Variants in DLG2 observed in about 807,000 individuals in gnomAD.
The protein encoded by DLG2 is disks large homolog 2.
DLG2 carries 45 observed loss-of-function variants against 132.5 expected under a neutral mutation model. The observed-to-expected ratio is 0.34, with a 90% CI of 0.27 to 0.44. The LOEUF is 0.44. Ranked by LOEUF, DLG2 falls within the 20% of genes least tolerant of loss-of-function variation. The pLI is 1.00. For synonymous variants in DLG2, 424 were observed against 419.6 expected (o/e 1.01, Z -0.13); for missense variants, 1,045 against 1,196.9 (o/e 0.87, Z 1.87).
intron 19 of DLG2, among the ~76,000 whole-genome samples, chr11:83,577,903 T>C (rs1205413077): frequency 7.8e-6 from 1 of 127,970 alleles, no homozygotes; most frequent in Non-Finnish European, 1.6e-5. Context: ...TGGAAGTTTA[T>C]ATATGTATAA....
At chr11:85,482,892 G>C (rs1033802612) in intron 3 of DLG2, among the ~76,000 whole-genome samples, 10 of 152,070 alleles carry the variant, frequency 6.6e-5, no homozygotes, top group African/African-American at 2.2e-4. Context: ...TCTGACCCAG[G>C]TTCCATGATA....
chr11:84,481,206 C>A (rs1023287680), intron 7 of DLG2, among the ~76,000 whole-genome samples: 1 of 152,062 alleles, frequency 6.6e-6, no homozygotes, highest in Admixed American at 6.5e-5. Context: ...GTTTACTATT[C>A]CTGTGGTTTC....
intron 6 of DLG2, chr11:84,546,642 A>T: frequency 1.9e-6 from 1 of 529,930 alleles, no homozygotes; most frequent in Non-Finnish European, 3.6e-6. Flanking sequence ...GGCTGCATCC[A>T]CCTCCTCCAC....
At chr11:83,614,786 C>A (rs917005591) in intron 19 of DLG2, among the ~76,000 whole-genome samples, 1 of 152,188 alleles carries the variant, frequency 6.6e-6, no homozygotes, top group Non-Finnish European at 1.5e-5. Context: ...ATTTATGCAA[C>A]TTTCTGTTTG....
intron 3 of DLG2, among the ~76,000 whole-genome samples, chr11:85,463,813 G>C (rs1429876313): frequency 6.6e-6 from 1 of 151,824 alleles, no homozygotes. Context: ...TATTGGTATT[G>C]AGTACATGAG....
chr11:85,455,544 G>A (rs963166439), intron 3 of DLG2, among the ~76,000 whole-genome samples: 2 of 152,120 alleles, frequency 1.3e-5, no homozygotes, highest in Non-Finnish European at 2.9e-5. Context: ...CCTTGGGCCA[G>A]GACTACCAGT....
intron 4 of DLG2, among the ~76,000 whole-genome samples, chr11:85,196,475 G>A (rs906207658): frequency 7.2e-5 from 11 of 152,204 alleles, no homozygotes; most frequent in Admixed American, 2.0e-4. Context: ...TGGTTGAGGG[G>A]CCTAATTAGT....
intron 14 of DLG2, among the ~76,000 whole-genome samples, chr11:83,957,554 CTTTTTT>C (rs10713628): frequency 4.1e-4 from 58 of 142,786 alleles, no homozygotes; most frequent in African/African-American, 1.3e-3. Context: ...GCAGCCAGAA[CTTTTTT>C]TTTTTTTTTT....
chr11:84,699,334 G>A (rs769975592), intron 6 of DLG2, among the ~76,000 whole-genome samples: 37 of 151,500 alleles, frequency 2.4e-4, no homozygotes, highest in Non-Finnish European at 4.3e-4. Context: ...AAATAATGTC[G>A]TTAAAGTGTC....
At chr11:85,454,479 G>A (rs898556312) in intron 3 of DLG2, among the ~76,000 whole-genome samples, 3 of 151,708 alleles carry the variant, frequency 2.0e-5, no homozygotes, top group East Asian at 1.9e-4. Context: ...CATTCTTTAG[G>A]TTGTATCTTT....
At chr11:85,128,297 A>G (rs914679361) in intron 5 of DLG2, among the ~76,000 whole-genome samples, 4 of 152,284 alleles carry the variant, frequency 2.6e-5, no homozygotes, top group East Asian at 1.9e-4. Flanking sequence ...ACCCACTACT[A>G]CTATTTAAGA....
chr11:85,535,245 G>A (rs1435845375), intron 3 of DLG2, among the ~76,000 whole-genome samples: 1 of 151,926 alleles, frequency 6.6e-6, no homozygotes, highest in African/African-American at 2.4e-5. Context: ...AGCTGACTTT[G>A]AGGAGAAAAA....
intron 7 of DLG2, among the ~76,000 whole-genome samples, chr11:84,303,021 T>C (rs2098173594): frequency 6.6e-6 from 1 of 152,064 alleles, no homozygotes; most frequent in Non-Finnish European, 1.5e-5. Context: ...CTCACAAGGC[T>C]GAGGCAGGAG....
intron 14 of DLG2, among the ~76,000 whole-genome samples, chr11:83,941,968 C>T (rs1447836973): frequency 3.9e-5 from 6 of 152,202 alleles, no homozygotes; most frequent in African/African-American, 1.4e-4. Context: ...ACACTCTCCA[C>T]ACACTGGTGT....
intron 21 of DLG2, among the ~76,000 whole-genome samples, chr11:83,510,017 G>C (rs929657125): frequency 2.6e-5 from 4 of 152,184 alleles, no homozygotes; most frequent in African/African-American, 7.2e-5. Context: ...TATAAATGTG[G>C]TGCAAATCAG....
At chr11:83,713,502 A>G (rs2085976494) in intron 18 of DLG2, among the ~76,000 whole-genome samples, 2 of 152,188 alleles carry the variant, frequency 1.3e-5, no homozygotes, top group South Asian at 4.1e-4. Context: ...CGTGAGCAGC[A>G]GGAGGGAAGA....
chr11:85,096,868 A>G (rs945246565), intron 6 of DLG2, among the ~76,000 whole-genome samples: 6 of 152,112 alleles, frequency 3.9e-5, no homozygotes, highest in African/African-American at 1.2e-4. Context: ...GTGTCAGGCT[A>G]TCTGGGAAAG....
chr11:83,666,701 A>G (rs985827636), intron 18 of DLG2, among the ~76,000 whole-genome samples: 1 of 152,146 alleles, frequency 6.6e-6, no homozygotes, highest in Non-Finnish European at 1.5e-5. Flanking sequence ...AATTATAACT[A>G]TCTAATAAAG....
At position 84,817,634 on chromosome 11, in the gene DLG2, T is replaced by C. The variant is rs561749454; in HGVS notation, c.358-282903A>G. ...ATGAGTCTGGGAGAGAATGATCATA[T>C]TATTCTACTTTTAGGTTAATGCATA... On this transcript the variant is annotated intron_variant, in intron 6 of 27. Coordinates refer to ENST00000376104, the MANE Select transcript of DLG2 (RefSeq NM_001142699.3). Among the ~76,000 whole-genome samples, 7 of 152,148 alleles carry C rather than the reference T, an allele frequency of 4.6e-5. No individual in the cohort carries two copies. In the East Asian group the frequency reaches 1.4e-3, roughly 30 times the overall value.
Sources: allele counts gnomAD v4.1 joint callset (sites outside exome capture counted in the v4.1 genomes callset), GRCh38; gene constraint gnomAD v4.1.1; transcripts MANE v1.5; gene names NCBI Gene and HGNC (gene_info 2026-07-23, HGNC 2026-07-21).